Variants in SPAST observed in about 807,000 individuals in gnomAD.
SPAST encodes spastin.
SPAST carries 30 observed loss-of-function variants against 76.6 expected under a neutral mutation model. That is an observed-to-expected ratio of 0.39 (90% CI 0.29 to 0.53). SPAST has a LOEUF of 0.53. Among genes scored for constraint, SPAST ranks in the 20% least tolerant of loss-of-function variants. The probability of loss-of-function intolerance (pLI) is 0.68; values close to 1 mark genes in which losing one functional copy is unlikely to be tolerated. For synonymous variants in SPAST, 305 were observed against 281.0 expected, an observed-to-expected ratio of 1.09 and a Z score of -0.86; for missense variants, 717 against 770.5, an observed-to-expected ratio of 0.93 and a Z score of 0.82.
chr2:32,122,263 G>A (rs1679045726), intron 7 of SPAST, among the ~76,000 whole-genome samples: 1 of 152,136 alleles, frequency 6.6e-6, no homozygotes, highest in South Asian at 2.1e-4. Context: ...AAAATGGGTG[G>A]GAGGAGACGA....
intron 4 of SPAST, among the ~76,000 whole-genome samples, chr2:32,101,199 C>T (rs1043360766): frequency 6.6e-6 from 1 of 152,164 alleles, no homozygotes; most frequent in African/African-American, 2.4e-5. Context: ...ATTTGCATTT[C>T]TCTGATGGCC....
chr2:32,142,942 C>G (rs1050217588), intron 13 of SPAST, among the ~76,000 whole-genome samples: 13 of 151,944 alleles, frequency 8.6e-5, no homozygotes, highest in African/African-American at 1.2e-4. Flanking sequence ...ATATTTATTG[C>G]TATGTTTTTA....
chr2:32,133,856 C>G (rs1385110247), intron 9 of SPAST, among the ~76,000 whole-genome samples: 1 of 152,112 alleles, frequency 6.6e-6, no homozygotes, highest in African/African-American at 2.4e-5. Context: ...AGTAATATTT[C>G]TCTTGTATTA....
At chr2:32,077,398 T>A (rs1677008007) in intron 1 of SPAST, among the ~76,000 whole-genome samples, 1 of 152,166 alleles carries the variant, frequency 6.6e-6, no homozygotes, top group Non-Finnish European at 1.5e-5. Context: ...AGGATTTAAG[T>A]TAATCAACAA....
Position 32,063,874 on chromosome 2 carries a change from G to A in SPAST, c.43G>A (p.Gly15Ser), listed in dbSNP as rs1319401583. 2 of 1,585,518 alleles carry A rather than the reference G, an allele frequency of 1.3e-6. No individual in the cohort carries two copies. Among genetic ancestry groups the A allele is most frequent in the Middle Eastern group, 2.2e-4 (1 of 4,636 alleles). The change falls in exon 1 of 17, where the codon GGC (glycine) becomes AGC (serine). Residue 15 changes from glycine to serine, a missense_variant. Transcript: ENST00000315285. ...GGRGKKKGSGGASNPVPPRPP... is the reference protein window; with the variant it reads ...GGRGKKKGSGSASNPVPPRPP... ...ACGAGGGAAGAAGAAAGGCTCCGGC[G>A]GCGCCAGCAACCCGGTGCCTCCCAG... is the stretch of plus-strand genomic sequence containing the variant.
chr2:32,139,060 G>A (rs1679632382), intron 12 of SPAST, among the ~76,000 whole-genome samples: 1 of 152,086 alleles, frequency 6.6e-6, no homozygotes, highest in Non-Finnish European at 1.5e-5. Context: ...TTGGGCTGCT[G>A]TGTAGTTCGG....
Position 32,137,004 on chromosome 2 carries a change from A to G in SPAST, c.1413+36A>G, listed in dbSNP as rs773742332. On this transcript the variant is annotated intron_variant, in intron 11 of 16. Transcript: ENST00000315285. ...ATTATGATATTTTTAATGTGGCAGC[A>G]TTTTAGTATATTTTCCTATTAAATG... 2.7e-6 allele frequency: 4 copies of G among 1,459,006 alleles called. No individual in the cohort carries two copies. The South Asian group carries it at 3.6e-5, about 13-fold the overall frequency. The allele number at this position is 1,459,006 out of a possible 1,614,324, so 90.4% of individuals were successfully genotyped here. A position where few individuals can be genotyped will look rare whatever the true frequency, so the allele number is the denominator to read the frequency against.
chr2:32,126,953 C>T lies in SPAST; in HGVS notation c.1104C>T (p.Phe368=), dbSNP rs370845582. The T allele has an allele frequency of 5.0e-6, 8 of 1,607,226 alleles. No homozygotes were observed. Among genetic ancestry groups the T allele is most frequent in the Non-Finnish European group, 6.8e-6 (8 of 1,173,904 alleles). Residue 368 remains phenylalanine (F), a synonymous_variant, in exon 8 of 17, where the codon TTC becomes TTT. Transcript: ENST00000315285. ...CTAAAGTATATATTTTTTAGTTGTT[C>T]ACAGGGCTTAGAGCTCCTGCCAGAG... ...VILPSLRPEL[F]TGLRAPARGL...
intron 1 of SPAST, among the ~76,000 whole-genome samples, chr2:32,076,280 T>C (rs1249067664): frequency 6.6e-6 from 1 of 152,204 alleles, no homozygotes; most frequent in African/African-American, 2.4e-5. Context: ...ATGATGTCTT[T>C]ACATAGGGTT....
At chr2:32,084,398 T>C (rs919764043) in intron 1 of SPAST, among the ~76,000 whole-genome samples, 2 of 149,912 alleles carry the variant, frequency 1.3e-5, no homozygotes, top group African/African-American at 4.9e-5. Flanking sequence ...TCTCCTGACC[T>C]CGTGATCCAC....
chr2:32,112,675 T>TG (rs1363992536), intron 4 of SPAST, among the ~76,000 whole-genome samples: 1 of 152,152 alleles, frequency 6.6e-6, no homozygotes, highest in Non-Finnish European at 1.5e-5. Context: ...TTTTTTAACT[T>TG]GAATTTTATT....
At chr2:32,088,716 AAC>A (rs1491275123) in intron 2 of SPAST, among the ~76,000 whole-genome samples, 2 of 126,050 alleles carry the variant, frequency 1.6e-5, no homozygotes, top group African/African-American at 2.8e-5. Context: ...AAGAGTAAAA[AAC>A]AATTTAATTA....
At chr2:32,110,633 GTAGTATATATAGTATATATAGTA>G (rs1011268899) in intron 4 of SPAST, among the ~76,000 whole-genome samples, 12 of 130,330 alleles carry the variant, frequency 9.2e-5, no homozygotes, top group Non-Finnish European at 4.7e-5. Context: ...TATAGTATAT[GTAGTATATATAGTATATATAGTA>G]TAGTATATAT....
intron 4 of SPAST, among the ~76,000 whole-genome samples, chr2:32,109,662 C>T (rs1678458049): frequency 6.7e-6 from 1 of 149,300 alleles, no homozygotes; most frequent in African/African-American, 2.5e-5. Context: ...TTCTGTCACT[C>T]TTCATATATT....
Position 32,089,587 on chromosome 2 carries a change from G to C in SPAST, c.568G>C (p.Asp190His), listed in dbSNP as rs764836588. 6.3e-7 allele frequency: 1 copy of C among 1,584,976 alleles called. No homozygotes were observed. Among genetic ancestry groups the C allele is most frequent in the Non-Finnish European group, 8.7e-7 (1 of 1,153,682 alleles). Residue 190 changes from aspartate (D) to histidine (H), a missense_variant, in exon 3 of 17, where the codon GAC becomes CAC. Asp to His is a moderately conservative substitution (Grantham distance 81, BLOSUM62 -1). Around this residue, in one of 3 missense-constraint regions of SPAST, gnomAD observed 543 missense variants for 445.2 expected, o/e 1.22. Transcript: ENST00000315285. ...GATGACTAATTTGGTTATGGCCAAGGACCGCTTACAACTTCTAGGTATCAA... is the reference window on the plus strand; with the variant it reads ...GATGACTAATTTGGTTATGGCCAAGCACCGCTTACAACTTCTAGGTATCAA... ...KMMTNLVMAK[D>H]RLQLLEKMQP...
intron 2 of SPAST, 29 bp downstream of exon 2, chr2:32,087,607 C>T (rs1009088346): frequency 3.6e-6 from 4 of 1,115,368 alleles, no homozygotes; most frequent in Non-Finnish European, 5.4e-6. Context: ...ATAGCCATCC[C>T]AAATTATGAT....
At chr2:32,091,123 G>A (rs918309038) in intron 3 of SPAST, among the ~76,000 whole-genome samples, 31 of 152,008 alleles carry the variant, frequency 2.0e-4, no homozygotes, top group Non-Finnish European at 1.8e-4. Context: ...TCTACCATAC[G>A]TTGGTGGATG....
chr2:32,155,942 C>G lies in SPAST; in HGVS notation c.*1446C>G, dbSNP rs898067139. On this transcript the variant is annotated 3_prime_UTR_variant, in exon 17 of 17. Coordinates refer to ENST00000315285, the MANE Select transcript of SPAST (RefSeq NM_014946.4). ...CATTAAAATAAAAAACTTGCCCCTA[C>G]TAGGTAAGAACTTTATAATGAAGAC... 7.2e-5 allele frequency: 11 copies of G among 152,302 alleles called. No homozygotes were observed. The highest frequency in any genetic ancestry group is 2.9e-5 in the Non-Finnish European group (2 of 68,012). The allele number at this position is 152,302 out of a possible 1,614,324, so 9.4% of individuals were successfully genotyped here.
chr2:32,066,415 A>G (rs978462762), intron 1 of SPAST, among the ~76,000 whole-genome samples: 1 of 152,084 alleles, frequency 6.6e-6, no homozygotes, highest in Admixed American at 6.6e-5. Context: ...CACGCGTGTA[A>G]TCCCAACACT....
Sources: gnomAD v4.1 joint callset for allele counts (sites outside exome capture counted in the v4.1 genomes callset) on GRCh38, gnomAD v4.1.1 for gene constraint, gnomAD v4.1.1 regional missense constraint, MANE v1.5 for transcripts, NCBI Gene and HGNC (gene_info 2026-07-23, HGNC 2026-07-21) for gene names.